ZDHHC14: variants seen among roughly 807,000 people sequenced by gnomAD.
ZDHHC14 encodes zDHHC palmitoyltransferase 14, also known as palmitoyltransferase ZDHHC14.
Under a neutral mutation model 47.7 loss-of-function variants are expected in ZDHHC14, and 16 were observed. That is an observed-to-expected ratio of 0.34 (90% confidence interval 0.23 to 0.51). ZDHHC14 has a LOEUF of 0.51. Ranked by LOEUF, ZDHHC14 falls within the 20% of genes least tolerant of loss-of-function variation. The pLI, the probability that ZDHHC14 is intolerant of heterozygous loss-of-function variation, is 0.97. For missense variants in ZDHHC14, 515 were observed against 662.5 expected, an observed-to-expected ratio of 0.78 and a Z score of 2.44; for synonymous variants, 293 against 278.9, an observed-to-expected ratio of 1.05 and a Z score of -0.50.
At chr6:157,504,783 GTGTTT>G (rs10692552) in intron 1 of ZDHHC14, among the ~76,000 whole-genome samples, 10,856 of 149,262 alleles carry the variant, frequency 0.073, 565 homozygotes, top group African/African-American at 0.15. Context: ...AAAATACCAT[GTGTTT>G]TGTTTTGTTT....
chr6:157,507,447 A>G (rs1057133064), intron 1 of ZDHHC14, among the ~76,000 whole-genome samples: 2 of 151,946 alleles, frequency 1.3e-5, no homozygotes, highest in African/African-American at 4.8e-5. Flanking sequence ...ACACCTGGCT[A>G]ATTTTTGTAT....
chr6:157,601,062 G>A (rs1301838233), intron 3 of ZDHHC14, among the ~76,000 whole-genome samples: 1 of 152,336 alleles, frequency 6.6e-6, no homozygotes, highest in South Asian at 2.1e-4. Context: ...CAGATGGAGA[G>A]GCTGCCCTGG....
intron 2 of ZDHHC14, among the ~76,000 whole-genome samples, chr6:157,588,647 G>A (rs1042501840): frequency 6.6e-6 from 1 of 152,196 alleles, no homozygotes. Flanking sequence ...GCGTGAAAAC[G>A]CTTGGGTGTG....
intron 1 of ZDHHC14, among the ~76,000 whole-genome samples, chr6:157,393,163 G>C (rs930648707): frequency 6.6e-6 from 1 of 152,192 alleles, no homozygotes; most frequent in Non-Finnish European, 1.5e-5. Context: ...ACAGGCGTGA[G>C]CCACCGCACC....
Position 157,654,764 on chromosome 6 carries a change from C to A in ZDHHC14, c.1068+1137C>A, listed in dbSNP as rs556611962. Among the ~76,000 whole-genome samples the A allele has an allele frequency of 1.9e-4, 28 of 150,030 alleles. No individual in the cohort carries two copies. In the South Asian group the frequency reaches 5.5e-3, roughly 29 times the overall value. ...TCTTTTTTTTTTTTGGAGACAGAGTCTTGCTCTGTCGCCCAGGCTGGAGTG... is the reference window on the plus strand; with the variant it reads ...TCTTTTTTTTTTTTGGAGACAGAGTATTGCTCTGTCGCCCAGGCTGGAGTG... On this transcript the variant is annotated intron_variant, in intron 8 of 8. Coordinates refer to ENST00000359775, the MANE Select transcript of ZDHHC14 (RefSeq NM_024630.3).
intron 8 of ZDHHC14, among the ~76,000 whole-genome samples, chr6:157,665,405 A>G (rs1778511610): frequency 6.6e-6 from 1 of 152,174 alleles, no homozygotes; most frequent in South Asian, 2.1e-4. Context: ...ACTTTGAAGG[A>G]GGAGCCTCTG....
In ZDHHC14 at chr6:157,595,154, G is replaced by C. The variant is rs573001141; in HGVS notation, c.565+2008G>C. Among the ~76,000 whole-genome samples the C allele has an allele frequency of 5.3e-5, 5 of 93,650 alleles. No individual in the cohort carries two copies. The East Asian group carries it at 1.5e-3, about 28-fold the overall frequency. 61.4% of individuals were successfully genotyped at this position (93,650 alleles called of 152,430 possible). The stretch of plus-strand genomic sequence containing the variant: ...CAATTTGTCCACTCATTTATCCTCT[G>C]TTTCTTGTCTCTAGGCTAGATTTTT... On this transcript the variant is annotated intron_variant, in intron 3 of 8. Coordinates refer to ENST00000359775, the MANE Select transcript of ZDHHC14 (RefSeq NM_024630.3).
chr6:157,455,905 G>C (rs1283073419), intron 1 of ZDHHC14, among the ~76,000 whole-genome samples: 1 of 152,204 alleles, frequency 6.6e-6, no homozygotes, highest in Non-Finnish European at 1.5e-5. Context: ...AGCTATCTCC[G>C]TGTCAATGGC....
chr6:157,608,857 G>A (rs1475718673), intron 3 of ZDHHC14, among the ~76,000 whole-genome samples: 3 of 152,292 alleles, frequency 2.0e-5, no homozygotes, highest in Non-Finnish European at 4.4e-5. Context: ...CCCACAGGGC[G>A]GGACAGGGCA....
chr6:157,490,925 G>A (rs966583321), intron 1 of ZDHHC14, among the ~76,000 whole-genome samples: 11 of 152,140 alleles, frequency 7.2e-5, no homozygotes, highest in Non-Finnish European at 1.3e-4. Flanking sequence ...TGCAAGATAA[G>A]TATCCCTATT....
At chr6:157,406,933 C>T (rs1298117295) in intron 1 of ZDHHC14, among the ~76,000 whole-genome samples, 2 of 152,196 alleles carry the variant, frequency 1.3e-5, no homozygotes, top group Non-Finnish European at 2.9e-5. Context: ...GGGATAGAGT[C>T]TTGCTTGTCA....
intron 1 of ZDHHC14, among the ~76,000 whole-genome samples, chr6:157,421,448 G>C (rs1401587472): frequency 7.5e-6 from 1 of 133,220 alleles, no homozygotes; most frequent in African/African-American, 2.9e-5. Flanking sequence ...AGCTGAGATC[G>C]TGCCACTGCA....
chr6:157,553,312 A>G (rs1782322628), intron 2 of ZDHHC14, among the ~76,000 whole-genome samples: 2 of 152,150 alleles, frequency 1.3e-5, no homozygotes, highest in African/African-American at 4.8e-5. Flanking sequence ...CTTTTGCTAA[A>G]ATTGAGCATT....
intron 5 of ZDHHC14, among the ~76,000 whole-genome samples, chr6:157,636,455 C>T (rs899112291): frequency 2.0e-5 from 3 of 152,042 alleles, no homozygotes; most frequent in Admixed American, 1.3e-4. Flanking sequence ...CGGGATACCC[C>T]GAAGGCCCTT....
intron 1 of ZDHHC14, among the ~76,000 whole-genome samples, chr6:157,386,489 C>G (rs1777314520): frequency 6.6e-6 from 1 of 152,162 alleles, no homozygotes; most frequent in Non-Finnish European, 1.5e-5. Flanking sequence ...CTTATCCAGA[C>G]TGGATTTCAT....
chr6:157,630,603 CCA>C (rs1439422767), intron 4 of ZDHHC14: 2 of 150,624 alleles, frequency 1.3e-5, no homozygotes, highest in African/African-American at 2.5e-5. Flanking sequence ...CTCACGGTAG[CCA>C]CACTCATGTA....
intron 1 of ZDHHC14, among the ~76,000 whole-genome samples, chr6:157,445,160 TATCTATC>T (rs773810425): frequency 4.6e-4 from 70 of 151,290 alleles, no homozygotes; most frequent in Non-Finnish European, 7.2e-4. Context: ...CATATCTATC[TATCTATC>T]ATCATCATCA....
At chr6:157,540,880 A>ATGTGTGTGTGTGTG (rs1227856788) in intron 1 of ZDHHC14, among the ~76,000 whole-genome samples, 8 of 131,832 alleles carry the variant, frequency 6.1e-5, no homozygotes, top group South Asian at 4.4e-4. Context: ...ATAGATATAT[A>ATGTGTGTGTGTGTG]TGTATGTATG....
intron 1 of ZDHHC14, among the ~76,000 whole-genome samples, chr6:157,488,696 G>C (rs548305730): frequency 6.6e-6 from 1 of 152,314 alleles, no homozygotes; most frequent in African/African-American, 2.4e-5. Flanking sequence ...CTCACTACCA[G>C]TTTAGTATTT....
Sources: gnomAD v4.1 joint callset for allele counts (sites outside exome capture counted in the v4.1 genomes callset) on GRCh38, gnomAD v4.1.1 for gene constraint, MANE v1.5 for transcripts, NCBI Gene and HGNC (gene_info 2026-07-23, HGNC 2026-07-21) for gene names.